The following MON2 variants were observed in gnomAD, a reference collection of about 807,000 sequenced individuals.
MON2 encodes protein MON2 homolog.
A neutral mutation model predicts 208.6 loss-of-function variants in MON2; 84 were observed. That is an observed-to-expected ratio of 0.40 (90% CI 0.34 to 0.48). MON2 has a LOEUF of 0.48. MON2 is among the 20% of genes least tolerant of loss of function. The pLI is 0.59. For synonymous variants in MON2, 660 were observed against 694.0 expected (o/e 0.95, Z 0.77); for missense variants, 1,611 against 2,015.4 (o/e 0.80, Z 3.84).
Position 62,599,231 on chromosome 12 carries a change from G to C in MON2, c.*6482G>C, listed in dbSNP as rs752412923. 1.3e-5 allele frequency: 2 copies of C among 152,100 alleles called. No homozygotes were observed. The highest frequency in any genetic ancestry group is 2.9e-5 in the Non-Finnish European group (2 of 67,988). The allele number at this position is 152,100 out of a possible 1,614,324, so 9.4% of individuals were successfully genotyped here. On this transcript the variant is annotated 3_prime_UTR_variant, in exon 35 of 35. Transcript: ENST00000393630. ...ACACGAAGTGTCTCTCAATAGTTTA[G>C]AAAGAAAGATTTGGAACTTTAAGTA...
intron 20 of MON2, among the ~76,000 whole-genome samples, chr12:62,544,213 G>A (rs1278137441): frequency 6.6e-6 from 1 of 152,114 alleles, no homozygotes; most frequent in Non-Finnish European, 1.5e-5. Flanking sequence ...GGGAGGCTGA[G>A]GTGGGAGGAT....
chr12:62,535,136 A>G (rs1389372021), intron 13 of MON2, among the ~76,000 whole-genome samples: 2 of 152,208 alleles, frequency 1.3e-5, no homozygotes, highest in East Asian at 1.9e-4. Context: ...AATGGAAAAT[A>G]CAGTCCTAAA....
At chr12:62,522,109 C>T (rs896701085) in intron 8 of MON2, among the ~76,000 whole-genome samples, 1 of 140,500 alleles carries the variant, frequency 7.1e-6, no homozygotes, top group Non-Finnish European at 1.5e-5. Context: ...ATCACTTGAA[C>T]CCAGGAGGTG....
chr12:62,577,080 A>G (rs2074819720), intron 30 of MON2, among the ~76,000 whole-genome samples: 1 of 152,012 alleles, frequency 6.6e-6, no homozygotes, highest in South Asian at 2.1e-4. Flanking sequence ...CCATCATCAC[A>G]AATCTTTTAA....
At chr12:62,510,506 A>G (rs1002038379) in intron 8 of MON2, among the ~76,000 whole-genome samples, 1 of 152,208 alleles carries the variant, frequency 6.6e-6, no homozygotes, top group African/African-American at 2.4e-5. Flanking sequence ...AATATAATAC[A>G]CTACATTAAA....
At chr12:62,554,529 C>T (rs1299307462) in intron 24 of MON2, among the ~76,000 whole-genome samples, 1 of 152,144 alleles carries the variant, frequency 6.6e-6, no homozygotes, top group Non-Finnish European at 1.5e-5. Context: ...GGGTCTTGCT[C>T]TGTCACCCAG....
rs566360511 is a variant in MON2, at chr12:62,564,627, A to G, written c.4033-610A>G. Reference sequence around the variant, plus strand: ...AAGAAACCTAGAGAAACTAGTTACTATTTATTAAAATGTTTTCTTATATTA... The same window carrying G: ...AAGAAACCTAGAGAAACTAGTTACTGTTTATTAAAATGTTTTCTTATATTA... On this transcript the variant is annotated intron_variant, in intron 26 of 34. Coordinates refer to ENST00000393630, the MANE Select transcript of MON2 (RefSeq NM_015026.3). 1.2e-3 allele frequency among the ~76,000 whole-genome samples: 176 copies of G among 152,238 alleles called. 1 individual carries two copies. The highest frequency in any genetic ancestry group is 4.1e-3 in the African/African-American group (170 of 41,570).
At chr12:62,534,494 G>A (rs1233887382) in intron 12 of MON2, among the ~76,000 whole-genome samples, 1 of 114,128 alleles carries the variant, frequency 8.8e-6, no homozygotes, top group Admixed American at 1.1e-4. Context: ...ACTCCAGCCT[G>A]GGCAACAGAG....
intron 30 of MON2, among the ~76,000 whole-genome samples, chr12:62,577,341 A>G (rs1450899360): frequency 6.6e-6 from 1 of 152,094 alleles, no homozygotes; most frequent in African/African-American, 2.4e-5. Flanking sequence ...TCCTGTTCAC[A>G]GCTAGATCTT....
rs2068552853 is a variant in MON2, at chr12:62,467,097, G to T, written c.-111G>T. 1.2e-6 allele frequency: 1 copy of T among 820,466 alleles called. No homozygotes were observed. Among genetic ancestry groups the T allele is most frequent in the Non-Finnish European group, 2.0e-6 (1 of 510,372 alleles). 50.8% of individuals were successfully genotyped at this position (820,466 alleles called of 1,614,324 possible). A position where few individuals can be genotyped will look rare whatever the true frequency, so the allele number is the denominator to read the frequency against. ...TTCGCAGCCCAGGGCCCAAGAAGCG[G>T]GCTGCTGAAGGACCAGAGACACCGG... is the stretch of plus-strand genomic sequence containing the variant. On this transcript the variant is annotated 5_prime_UTR_variant, in exon 1 of 35. Transcript: ENST00000393630.
chr12:62,495,134 A>C lies in MON2; in HGVS notation c.422A>C (p.Glu141Ala), dbSNP rs753267791. ...LLTTNTVVHD[E>A]ALSKAIVLCF... ...ACAACCAATACAGTAGTTCATGATG[A>C]GGCACTTTCTAAGGTAGGAAAACTG... Residue 141 changes from glutamate to alanine, a missense_variant, in exon 4 of 35, where the codon GAG becomes GCG. By Grantham distance (107) the Glu-to-Ala change is moderately radical. Coordinates refer to ENST00000393630, the MANE Select transcript of MON2 (RefSeq NM_015026.3). The C allele has an allele frequency of 6.2e-7, 1 of 1,605,696 alleles. No individual in the cohort carries two copies. The highest frequency in any genetic ancestry group is 1.3e-5 in the African/African-American group (1 of 74,694).
intron 11 of MON2, among the ~76,000 whole-genome samples, chr12:62,531,490 C>T (rs10161203): frequency 0.82 from 124,548 of 152,056 alleles, 51,188 homozygotes; most frequent in African/African-American, 0.88. Context: ...CTCTTTTTTC[C>T]AGGAATTATT....
chr12:62,555,629 AT>A (rs1357165634), intron 24 of MON2, among the ~76,000 whole-genome samples: 1 of 152,016 alleles, frequency 6.6e-6, no homozygotes, highest in Non-Finnish European at 1.5e-5. Flanking sequence ...GGCCAACATG[AT>A]GAAACCCCAT....
chr12:62,580,421 G>A lies in MON2; in HGVS notation c.4699+1G>A, dbSNP rs1565708927. On this transcript the variant is annotated splice_donor_variant, in intron 32 of 34. Transcript: ENST00000393630. LOFTEE classifies it high-confidence loss of function. ...CATTCTCAGTCATCTTCATTTACAG[G>A]TATGTTAATTTTTTTAAGTATTAAA... is the stretch of plus-strand genomic sequence containing the variant. 1.3e-6 allele frequency: 2 copies of A among 1,590,016 alleles called. No homozygotes were observed. Among genetic ancestry groups the A allele is most frequent in the Non-Finnish European group, 1.7e-6 (2 of 1,164,704 alleles).
intron 8 of MON2, among the ~76,000 whole-genome samples, chr12:62,522,238 G>T (rs1008973211): frequency 3.3e-5 from 5 of 151,972 alleles, no homozygotes; most frequent in Admixed American, 1.3e-4. Context: ...TTGACTTACT[G>T]TTTTTAGAAA....
intron 32 of MON2, among the ~76,000 whole-genome samples, chr12:62,581,391 A>T (rs1476800684): frequency 1.6e-4 from 25 of 152,124 alleles, no homozygotes. Context: ...CTCTGTCTCT[A>T]CAAAAGATTT....
At chr12:62,550,279 C>G (rs1278329857) in intron 23 of MON2, among the ~76,000 whole-genome samples, 3 of 152,086 alleles carry the variant, frequency 2.0e-5, no homozygotes. Context: ...CCTGTAATCC[C>G]AGCACTTTGG....
At chr12:62,572,913 C>T (rs2074647154) in intron 30 of MON2, among the ~76,000 whole-genome samples, 1 of 152,030 alleles carries the variant, frequency 6.6e-6, no homozygotes, top group Non-Finnish European at 1.5e-5. Flanking sequence ...ATGATTGAGT[C>T]CACAACAGAA....
At chr12:62,487,270 A>T (rs373389174) in intron 2 of MON2, among the ~76,000 whole-genome samples, 73 of 152,262 alleles carry the variant, frequency 4.8e-4, no homozygotes, top group African/African-American at 1.7e-3. Flanking sequence ...TATGAATATT[A>T]TATATTACAA....
Sources: gnomAD v4.1 joint callset for allele counts (sites outside exome capture counted in the v4.1 genomes callset) on GRCh38, gnomAD v4.1.1 for gene constraint, MANE v1.5 for transcripts, NCBI Gene and HGNC (gene_info 2026-07-23, HGNC 2026-07-21) for gene names.